Variants in PDGFRA observed in about 807,000 individuals in gnomAD.
PDGFRA encodes the protein platelet-derived growth factor receptor alpha.
PDGFRA carries 25 observed loss-of-function variants against 121.5 expected under a neutral mutation model. The ratio of observed to expected loss-of-function variants is 0.21; its 90% CI spans 0.15 to 0.29. The LOEUF is 0.29. Ranked by LOEUF, PDGFRA falls within the 10% of genes least tolerant of loss-of-function variation. PDGFRA has a pLI of 1.00. For synonymous variants in PDGFRA, 463 were observed against 494.8 expected (o/e 0.94, Z 0.85); for missense variants, 1,008 against 1,345.1 (o/e 0.75, Z 3.92).
chr4:54,290,571 C>G lies in PDGFRA; in HGVS notation c.3122+17C>G. 4 of 1,613,920 alleles carry G rather than the reference C, an allele frequency of 2.5e-6. No individual in the cohort carries two copies. The highest frequency in any genetic ancestry group is 3.4e-6 in the Non-Finnish European group (4 of 1,179,970). ...CAGACACAGGTAGCTGTGGGGGCAG[C>G]CTCGGTGTCTCACCTTTCCCCTCCC... On this transcript the variant is annotated intron_variant, in intron 22 of 22. Coordinates refer to ENST00000257290, the MANE Select transcript of PDGFRA (RefSeq NM_006206.6).
chr4:54,292,377 A>T (rs1009354796), intron 22 of PDGFRA, among the ~76,000 whole-genome samples: 2 of 152,236 alleles, frequency 1.3e-5, no homozygotes, highest in Non-Finnish European at 2.9e-5. Context: ...AGGGACATGG[A>T]TGGAGCTGGA....
intron 15 of PDGFRA, chr4:54,278,850 T>C (rs1209574651): frequency 8.1e-6 from 4 of 490,996 alleles, no homozygotes; most frequent in Admixed American, 4.6e-5. Context: ...TTCTGGAACC[T>C]TGCAAGAACT....
chr4:54,279,369 G>T (rs993266242), intron 15 of PDGFRA, among the ~76,000 whole-genome samples: 11 of 152,086 alleles, frequency 7.2e-5, no homozygotes, highest in African/African-American at 2.7e-4. Context: ...CAAATATTCC[G>T]CTAGTCTTTC....
At position 54,284,564 on chromosome 4, in the gene PDGFRA, C is replaced by CAGAGAGAG. The variant is rs59292448; in HGVS notation, c.2324-780_2324-773dup. On this transcript the variant is annotated intron_variant, in intron 16 of 22. Coordinates refer to ENST00000257290, the MANE Select transcript of PDGFRA (RefSeq NM_006206.6). ...AGAGCAGGAGCAAGTGAGAGAGAGA[C>CAGAGAGAG]AGAGAGAGAGAGAGAGAGAGAGAGA... Among the ~76,000 whole-genome samples, 289 of 55,940 alleles carry CAGAGAGAG rather than the reference C, an allele frequency of 5.2e-3. 1 individual carries two copies. Among genetic ancestry groups the CAGAGAGAG allele is most frequent in the African/African-American group, 0.011 (257 of 24,296 alleles). 36.7% of individuals were successfully genotyped at this position (55,940 alleles called of 152,430 possible).
chr4:54,262,454 A>G (rs766335283), intron 3 of PDGFRA, among the ~76,000 whole-genome samples: 5 of 152,150 alleles, frequency 3.3e-5, no homozygotes, highest in Non-Finnish European at 5.9e-5. Context: ...AAAAAGGACT[A>G]TGGCTAGAAT....
In PDGFRA at chr4:54,280,096, G is replaced by T. The variant is rs144081292; in HGVS notation, c.2157-220G>T. On this transcript the variant is annotated intron_variant, in intron 15 of 22. Coordinates refer to ENST00000257290, the MANE Select transcript of PDGFRA (RefSeq NM_006206.6). ...CTTCCTTTCCTCTGGTAGATACCCAGTAGTGGAATTGCTGTGATGCATGTA... is the reference window on the plus strand; with the variant it reads ...CTTCCTTTCCTCTGGTAGATACCCATTAGTGGAATTGCTGTGATGCATGTA... Among the ~76,000 whole-genome samples, 1,504 of 152,260 alleles carry T rather than the reference G, an allele frequency of 9.9e-3. 24 individuals carry two copies. The highest frequency in any genetic ancestry group is 0.034 in the African/African-American group (1,403 of 41,544).
rs1560491769 is a variant in PDGFRA, at chr4:54,288,888, A to G, written c.2764A>G (p.Thr922Ala). The change falls in exon 20 of 23, where the codon ACC (threonine) becomes GCC (alanine). Residue 922 changes from threonine to alanine, a missense_variant. Around this residue, in one of 5 missense-constraint regions of PDGFRA, gnomAD observed 204 missense variants for 243.0 expected, o/e 0.84. Coordinates refer to ENST00000257290, the MANE Select transcript of PDGFRA (RefSeq NM_006206.6). ...CCGGATGGCCAAGCCTGACCACGCT[A>G]CCAGTGAAGTGTGAGCTCCTTCCCC... is the stretch of plus-strand genomic sequence containing the variant. Reference protein sequence around the residue: ...GYRMAKPDHATSEVYEIMVKC... With the variant: ...GYRMAKPDHAASEVYEIMVKC... The G allele has an allele frequency of 1.2e-6, 2 of 1,605,302 alleles. No individual in the cohort carries two copies. The highest frequency in any genetic ancestry group is 1.7e-6 in the Non-Finnish European group (2 of 1,172,016).
intron 1 of PDGFRA, among the ~76,000 whole-genome samples, chr4:54,237,263 C>T (rs1721069455): frequency 6.6e-6 from 1 of 152,192 alleles, no homozygotes; most frequent in African/African-American, 2.4e-5. Flanking sequence ...AGCCACCACG[C>T]CCGGCCTCAT....
chr4:54,281,541 C>T, intron 16 of PDGFRA: 3 of 1,301,462 alleles, frequency 2.3e-6, no homozygotes, highest in East Asian at 3.9e-5. Context: ...ACTTCCTCTC[C>T]CCTCCCATAT....
chr4:54,275,401 G>A (rs1321597015), intron 12 of PDGFRA, among the ~76,000 whole-genome samples: 8 of 152,106 alleles, frequency 5.3e-5, no homozygotes, highest in Non-Finnish European at 7.3e-5. Flanking sequence ...TTTGGAATAT[G>A]GAATATAAAA....
At chr4:54,284,884 T>C (rs1474573585) in intron 16 of PDGFRA, among the ~76,000 whole-genome samples, 45 of 132,830 alleles carry the variant, frequency 3.4e-4, no homozygotes, top group African/African-American at 5.5e-4. Flanking sequence ...TCTATCTTTT[T>C]TTTTTTTTTT....
rs1724829418 is a variant in PDGFRA, at chr4:54,295,259, A to T, written c.3257A>T (p.Asp1086Val). The change falls in exon 23 of 23, where the codon GAC becomes GTC. Residue 1086 changes from aspartate to valine, a missense_variant. Asp to Val is a radical substitution (Grantham distance 152). Around this residue, in one of 5 missense-constraint regions of PDGFRA, gnomAD observed 204 missense variants for 243.0 expected, o/e 0.84. Transcript: ENST00000257290. ...IGIDSSDLVE[D>V]SFL Reference sequence around the variant, plus strand: ...ATAGACTCTTCAGACCTGGTGGAAGACAGCTTCCTGTAACTGGCGGATTCG... The same window carrying T: ...ATAGACTCTTCAGACCTGGTGGAAGTCAGCTTCCTGTAACTGGCGGATTCG... 1 of 1,614,006 alleles carries T rather than the reference A, an allele frequency of 6.2e-7. No individual in the cohort carries two copies. The highest frequency in any genetic ancestry group is 1.1e-5 in the South Asian group (1 of 91,074).
At chr4:54,231,939 C>T (rs1329537543) in intron 1 of PDGFRA, among the ~76,000 whole-genome samples, 1 of 152,248 alleles carries the variant, frequency 6.6e-6, no homozygotes, top group Non-Finnish European at 1.5e-5. Context: ...GGCTTTCCAG[C>T]TGCAAACACG....
intron 19 of PDGFRA, among the ~76,000 whole-genome samples, chr4:54,288,467 A>C (rs2110343463): frequency 6.6e-6 from 1 of 152,296 alleles, no homozygotes; most frequent in East Asian, 1.9e-4. Flanking sequence ...TCTGGGTTTT[A>C]ATGATTCAGA....
At chr4:54,246,296 A>G (rs890549040) in intron 1 of PDGFRA, among the ~76,000 whole-genome samples, 1 of 152,168 alleles carries the variant, frequency 6.6e-6, no homozygotes, top group African/African-American at 2.4e-5. Context: ...ACCTATCCCA[A>G]AATTGACCAC....
intron 1 of PDGFRA, among the ~76,000 whole-genome samples, chr4:54,256,143 G>T (rs1020880854): frequency 6.6e-6 from 1 of 152,168 alleles, no homozygotes; most frequent in Non-Finnish European, 1.5e-5. Flanking sequence ...AGTACTTTGG[G>T]AGGCCAACGC....
intron 16 of PDGFRA, among the ~76,000 whole-genome samples, chr4:54,283,373 A>G (rs1724167665): frequency 6.6e-6 from 1 of 152,220 alleles, no homozygotes. Context: ...GGAAGCGGCC[A>G]AGGTTTATGG....
chr4:54,260,811 A>G (rs191872825), intron 2 of PDGFRA, among the ~76,000 whole-genome samples: 4 of 152,318 alleles, frequency 2.6e-5, no homozygotes, highest in Non-Finnish European at 4.4e-5. Flanking sequence ...ATGGTTACAC[A>G]TAAGAGTCTG....
chr4:54,269,504 T>TAC (rs141245838), intron 7 of PDGFRA, among the ~76,000 whole-genome samples: 3,684 of 142,326 alleles, frequency 0.026, 69 homozygotes, highest in East Asian at 0.12. Context: ...TGCACATACA[T>TAC]ACACACACAC....
Sources: allele counts gnomAD v4.1 joint callset (sites outside exome capture counted in the v4.1 genomes callset), GRCh38; gene constraint gnomAD v4.1.1; regional missense constraint gnomAD v4.1.1; transcripts MANE v1.5; gene names NCBI Gene and HGNC (gene_info 2026-07-23, HGNC 2026-07-21).